The following CRISPLD1 variants were observed in gnomAD, a reference collection of about 807,000 sequenced individuals.
CRISPLD1 encodes the protein cysteine rich secretory protein LCCL domain containing 1.
Under a neutral mutation model 77.5 loss-of-function variants are expected in CRISPLD1, and 60 were observed. That is an observed-to-expected ratio of 0.77 (90% confidence interval 0.63 to 0.96). The LOEUF (loss-of-function observed/expected upper bound fraction) is 0.96, where lower values mean the gene tolerates loss of function less well. Ranked by LOEUF, CRISPLD1 falls within the 40% of genes least tolerant of loss-of-function variation. The pLI, the probability that CRISPLD1 is intolerant of heterozygous loss-of-function variation, is 0.00. For synonymous variants in CRISPLD1, 195 were observed against 200.1 expected (o/e 0.97, Z 0.22); for missense variants, 623 against 615.8 (o/e 1.01, Z -0.12).
intron 1 of CRISPLD1, among the ~76,000 whole-genome samples, chr8:74,985,651 C>G (rs1812484071): frequency 6.6e-6 from 1 of 151,970 alleles, no homozygotes; most frequent in Non-Finnish European, 1.5e-5. Flanking sequence ...AGCTTTGACT[C>G]TTCTAGGCTA....
intron 10 of CRISPLD1, among the ~76,000 whole-genome samples, chr8:75,019,424 TA>T (rs1461352917): frequency 3.9e-5 from 6 of 152,146 alleles, no homozygotes; most frequent in African/African-American, 1.4e-4. Context: ...TGCTAGATAC[TA>T]GGGGGAACAA....
chr8:75,003,770 G>C (rs528235525), intron 2 of CRISPLD1, among the ~76,000 whole-genome samples: 1 of 152,226 alleles, frequency 6.6e-6, no homozygotes, highest in South Asian at 2.1e-4. Flanking sequence ...GGCCAAACTT[G>C]GGGCAGGGGA....
At chr8:75,001,410 A>G (rs1221046416) in intron 2 of CRISPLD1, among the ~76,000 whole-genome samples, 2 of 152,196 alleles carry the variant, frequency 1.3e-5, no homozygotes. Context: ...AGGATCTTCC[A>G]GGAGATACAG....
rs1812489142 is a variant in CRISPLD1, at chr8:74,985,985, A to C, written c.-3A>C. ...TCCTGGGGAAATCCTGAGGTCATTCATTATGAAGTGTACCGCGCGGGAGTG... is the reference window on the plus strand; with the variant it reads ...TCCTGGGGAAATCCTGAGGTCATTCCTTATGAAGTGTACCGCGCGGGAGTG... On this transcript the variant is annotated 5_prime_UTR_variant, in exon 2 of 15. Coordinates refer to ENST00000262207, the MANE Select transcript of CRISPLD1 (RefSeq NM_031461.6). 3 of 1,610,782 alleles carry C rather than the reference A, an allele frequency of 1.9e-6. No individual in the cohort carries two copies. Among genetic ancestry groups the C allele is most frequent in the Non-Finnish European group, 2.5e-6 (3 of 1,177,348 alleles).
At chr8:74,990,027 C>G (rs1338277224) in intron 2 of CRISPLD1, among the ~76,000 whole-genome samples, 2 of 152,106 alleles carry the variant, frequency 1.3e-5, no homozygotes, top group African/African-American at 4.8e-5. Flanking sequence ...TATGTTCTCA[C>G]TTACATGTGG....
intron 2 of CRISPLD1, among the ~76,000 whole-genome samples, chr8:75,006,403 A>T (rs916063468): frequency 6.6e-6 from 1 of 152,132 alleles, no homozygotes; most frequent in Admixed American, 6.6e-5. Context: ...AAATTTTTAG[A>T]TGATTAATTA....
intron 2 of CRISPLD1, among the ~76,000 whole-genome samples, chr8:75,001,694 C>T (rs1812744794): frequency 6.6e-6 from 1 of 152,094 alleles, no homozygotes; most frequent in South Asian, 2.1e-4. Context: ...GAGGAAATGG[C>T]AGTCACAATC....
At chr8:75,000,410 G>A in intron 2 of CRISPLD1, 1 of 985,392 alleles carries the variant, frequency 1.0e-6, no homozygotes, top group Admixed American at 6.1e-5. Context: ...CTGTGAATAA[G>A]TGAGTACAAC....
At chr8:75,011,314 C>T (rs1004354151) in intron 2 of CRISPLD1, among the ~76,000 whole-genome samples, 2 of 142,606 alleles carry the variant, frequency 1.4e-5, no homozygotes, top group African/African-American at 5.2e-5. Context: ...TGTGATGTTC[C>T]CCTTCCTGTG....
At chr8:74,999,475 G>A (rs572409106) in intron 2 of CRISPLD1, among the ~76,000 whole-genome samples, 2 of 152,270 alleles carry the variant, frequency 1.3e-5, no homozygotes, top group African/African-American at 4.8e-5. Context: ...ACTTTAATGT[G>A]CCTATGAATC....
At chr8:74,988,465 G>A (rs982299966) in intron 2 of CRISPLD1, among the ~76,000 whole-genome samples, 3 of 151,976 alleles carry the variant, frequency 2.0e-5, no homozygotes, top group African/African-American at 7.2e-5. Context: ...AAACCTATGG[G>A]AGCCAGGCTA....
At position 75,025,639 on chromosome 8, in the gene CRISPLD1, T is replaced by A. The variant is rs1332104402; in HGVS notation, c.1320+18T>A. 1 of 1,302,934 alleles carries A rather than the reference T, an allele frequency of 7.7e-7. No homozygotes were observed. Among genetic ancestry groups the A allele is most frequent in the Admixed American group, 1.7e-5 (1 of 58,912 alleles). The allele number at this position is 1,302,934 out of a possible 1,614,324, so 80.7% of individuals were successfully genotyped here. On this transcript the variant is annotated intron_variant, in intron 13 of 14. Coordinates refer to ENST00000262207, the MANE Select transcript of CRISPLD1 (RefSeq NM_031461.6). ...ATTCTGATGTAAGTATCCTAATTTA[T>A]ACAGCTGTCAACATTCATGTATATA...
rs1316283247 is a variant in CRISPLD1 at position 75,012,875 on chromosome 8, T to C, written c.378-15T>C. The C allele has an allele frequency of 2.1e-5, 33 of 1,597,778 alleles. No individual in the cohort carries two copies. Among genetic ancestry groups the C allele is most frequent in the Non-Finnish European group, 2.6e-5 (30 of 1,170,750 alleles). On this transcript the variant is annotated splice_polypyrimidine_tract_variant and intron_variant, in intron 3 of 14. Coordinates refer to ENST00000262207, the MANE Select transcript of CRISPLD1 (RefSeq NM_031461.6). The stretch of plus-strand genomic sequence containing the variant: ...CAACTTTGCTTGCCCTCTGTGACTA[T>C]TTTCTTTCTAATAGATATAGGCCCC...
At position 75,033,140 on chromosome 8, in the gene CRISPLD1, T is replaced by C. The variant is rs577563284; in HGVS notation, c.*898T>C. 2.6e-5 allele frequency: 4 copies of C among 152,520 alleles called. No individual in the cohort carries two copies. In the East Asian group the frequency reaches 7.7e-4, roughly 29 times the overall value. The allele number at this position is 152,520 out of a possible 1,614,324, so 9.4% of individuals were successfully genotyped here. A position where few individuals can be genotyped will look rare whatever the true frequency, so the allele number is the denominator to read the frequency against. On this transcript the variant is annotated 3_prime_UTR_variant, in exon 15 of 15. Transcript: ENST00000262207. ...GTATATAAATATTGCCATATCATGG[T>C]ACCTATAATGGTGATATATTTGTTT...
intron 5 of CRISPLD1, among the ~76,000 whole-genome samples, 195 bp from the exon 6 acceptor site, chr8:75,014,617 T>C (rs1201215149): frequency 6.6e-6 from 1 of 152,218 alleles, no homozygotes; most frequent in Non-Finnish European, 1.5e-5. Context: ...TAAATTACTT[T>C]GTAAATTTTC....
Position 75,033,464 on chromosome 8 carries a change from G to C in CRISPLD1, c.*1222G>C, listed in dbSNP as rs1306775033. 2 of 151,886 alleles carry C rather than the reference G, an allele frequency of 1.3e-5. No homozygotes were observed. The highest frequency in any genetic ancestry group is 4.8e-5 in the African/African-American group (2 of 41,416). The allele number at this position is 151,886 out of a possible 1,614,324, so 9.4% of individuals were successfully genotyped here. A position where few individuals can be genotyped will look rare whatever the true frequency, so the allele number is the denominator to read the frequency against. On this transcript the variant is annotated 3_prime_UTR_variant, in exon 15 of 15. Coordinates refer to ENST00000262207, the MANE Select transcript of CRISPLD1 (RefSeq NM_031461.6). ...AATCGACCTGATTATTTAGGTATTT[G>C]TATGTGAAAGAGAAACACATATTTA...
chr8:75,029,095 A>C (rs1023250012), intron 13 of CRISPLD1, among the ~76,000 whole-genome samples: 2 of 152,228 alleles, frequency 1.3e-5, no homozygotes, highest in African/African-American at 4.8e-5. Context: ...TATTGCTTTG[A>C]TACTCTAAAG....
rs1563406534 is a variant in CRISPLD1 at position 75,033,847 on chromosome 8, T to C, written c.*1605T>C. On this transcript the variant is annotated 3_prime_UTR_variant, in exon 15 of 15. Coordinates refer to ENST00000262207, the MANE Select transcript of CRISPLD1 (RefSeq NM_031461.6). ...AAAACAATGATGTATACGTTAAAGA[T>C]TGCAAAACTTAAAAGCAGATTTTTA... 6.6e-6 allele frequency: 1 copy of C among 152,020 alleles called. No individual in the cohort carries two copies. The highest frequency in any genetic ancestry group is 1.5e-5 in the Non-Finnish European group (1 of 67,912). 9.4% of individuals were successfully genotyped at this position (152,020 alleles called of 1,614,324 possible).
rs768838086 is a variant in CRISPLD1 at position 75,033,103 on chromosome 8, G to A, written c.*861G>A. 3.9e-5 allele frequency: 6 copies of A among 152,012 alleles called. No homozygotes were observed. The highest frequency in any genetic ancestry group is 7.4e-5 in the Non-Finnish European group (5 of 67,764). 9.4% of individuals were successfully genotyped at this position (152,012 alleles called of 1,614,324 possible). A position where few individuals can be genotyped will look rare whatever the true frequency, so the allele number is the denominator to read the frequency against. On this transcript the variant is annotated 3_prime_UTR_variant, in exon 15 of 15. Transcript: ENST00000262207. ...ATTGCCACTGATTTTTTTTTAAATG[G>A]TAAATGACCTTGTATATAAATATTG... is the stretch of plus-strand genomic sequence containing the variant.
Sources: gnomAD v4.1 joint callset for allele counts (sites outside exome capture counted in the v4.1 genomes callset) on GRCh38, gnomAD v4.1.1 for gene constraint, MANE v1.5 for transcripts, NCBI Gene and HGNC (gene_info 2026-07-23, HGNC 2026-07-21) for gene names.